ME1: variants seen among roughly 807,000 people sequenced by gnomAD.
The protein encoded by ME1 is malic enzyme 1.
A neutral mutation model predicts 66.4 loss-of-function variants in ME1; 74 were observed. That is an observed-to-expected ratio of 1.11 (90% CI 0.92 to 1.35). The LOEUF (loss-of-function observed/expected upper bound fraction) is 1.35. Among genes scored for constraint, ME1 ranks in the 40% most tolerant of loss-of-function variants. The pLI is 0.00. For missense variants in ME1, 750 were observed against 694.1 expected (o/e 1.08, Z -0.90); for synonymous variants, 251 against 235.6 (o/e 1.07, Z -0.60).
intron 1 of ME1, among the ~76,000 whole-genome samples, chr6:83,409,426 G>A (rs1051463506): frequency 1.3e-5 from 2 of 152,168 alleles, no homozygotes; most frequent in East Asian, 1.9e-4. Context: ...ATTACTAGAG[G>A]GAAAGGAGAG....
At chr6:83,362,433 T>G (rs1391915095) in intron 3 of ME1, among the ~76,000 whole-genome samples, 1 of 152,206 alleles carries the variant, frequency 6.6e-6, no homozygotes, top group Non-Finnish European at 1.5e-5. Flanking sequence ...TGGACACCAC[T>G]CAGCCTCTTT....
In ME1 at chr6:83,329,531, A is replaced by T. The variant is rs537254213; in HGVS notation, c.601-14118T>A. Among the ~76,000 whole-genome samples, 3 of 152,308 alleles carry T rather than the reference A, an allele frequency of 2.0e-5. No homozygotes were observed. The South Asian group carries it at 6.2e-4, about 32-fold the overall frequency. Reference sequence around the variant, plus strand: ...CTCAAATAAGGTATCTTTTCATATCATGCCTATATCATGAAATATACATAT... The same window carrying T: ...CTCAAATAAGGTATCTTTTCATATCTTGCCTATATCATGAAATATACATAT... On this transcript the variant is annotated intron_variant, in intron 5 of 13. Transcript: ENST00000369705.
intron 5 of ME1, among the ~76,000 whole-genome samples, chr6:83,341,823 C>A (rs1768591035): frequency 6.6e-6 from 1 of 152,158 alleles, no homozygotes; most frequent in Non-Finnish European, 1.5e-5. Context: ...CAAACCCCTA[C>A]CTTTTCTGCT....
chr6:83,346,952 CT>C (rs754200466), intron 4 of ME1, among the ~76,000 whole-genome samples: 4 of 151,568 alleles, frequency 2.6e-5, no homozygotes, highest in Non-Finnish European at 4.4e-5. Flanking sequence ...TTTTATCTTT[CT>C]TTTTTTTCCC....
At chr6:83,301,499 T>C (rs1583367320) in intron 6 of ME1, among the ~76,000 whole-genome samples, 1 of 152,146 alleles carries the variant, frequency 6.6e-6, no homozygotes, top group East Asian at 1.9e-4. Flanking sequence ...CCCACCATCA[T>C]GCCTGGCTAA....
At position 83,349,015 on chromosome 6, in the gene ME1, A is replaced by AAAAAAAAAAAAAAC. The variant is rs746037012; in HGVS notation, c.439-2682_439-2681insGTTTTTTTTTTTTT. Among the ~76,000 whole-genome samples, 49 of 124,056 alleles carry AAAAAAAAAAAAAAC rather than the reference A, an allele frequency of 3.9e-4. 5 individuals are homozygous for AAAAAAAAAAAAAAC. The highest frequency in any genetic ancestry group is 1.5e-3 in the African/African-American group (47 of 32,264). 81.4% of individuals were successfully genotyped at this position (124,056 alleles called of 152,430 possible). ...AAAAAAAAAAAACAAAAAACAAAAA[A>AAAAAAAAAAAAAAC]CAGTGCATTCTTTCTTATTTCTTCA... On this transcript the variant is annotated intron_variant, in intron 4 of 13. Coordinates refer to ENST00000369705, the MANE Select transcript of ME1 (RefSeq NM_002395.6).
chr6:83,427,444 C>T (rs2127698598), intron 1 of ME1, among the ~76,000 whole-genome samples: 1 of 152,214 alleles, frequency 6.6e-6, no homozygotes, highest in South Asian at 2.1e-4. Flanking sequence ...AAGCTTAAAC[C>T]ACATTTCAAC....
intron 6 of ME1, among the ~76,000 whole-genome samples, chr6:83,287,199 G>C (rs796493187): frequency 3.9e-5 from 6 of 152,156 alleles, no homozygotes; most frequent in African/African-American, 1.4e-4. Flanking sequence ...TACATGTGCA[G>C]AACATGCAGT....
intron 1 of ME1, among the ~76,000 whole-genome samples, chr6:83,422,470 A>G (rs530793917): frequency 2.6e-5 from 4 of 152,230 alleles, no homozygotes; most frequent in Non-Finnish European, 4.4e-5. Flanking sequence ...TAGAAACAGG[A>G]AAACGTTAAC....
chr6:83,324,500 G>A (rs1228032438), intron 5 of ME1, among the ~76,000 whole-genome samples: 1 of 151,570 alleles, frequency 6.6e-6, no homozygotes, highest in Non-Finnish European at 1.5e-5. Flanking sequence ...TGATAAAGGG[G>A]AGATCACCAC....
intron 6 of ME1, among the ~76,000 whole-genome samples, chr6:83,314,393 T>C (rs1295600536): frequency 1.3e-5 from 2 of 152,188 alleles, no homozygotes; most frequent in Admixed American, 1.3e-4. Context: ...TTTTATACTG[T>C]TAAGGATTTA....
At chr6:83,297,985 A>G (rs1018260622) in intron 6 of ME1, among the ~76,000 whole-genome samples, 1 of 152,130 alleles carries the variant, frequency 6.6e-6, no homozygotes, top group Admixed American at 6.5e-5. Flanking sequence ...GGGTTGATTC[A>G]CTACCTTTGC....
intron 1 of ME1, among the ~76,000 whole-genome samples, chr6:83,429,554 AAAG>A (rs971813660): frequency 1.1e-4 from 17 of 152,184 alleles, no homozygotes; most frequent in Admixed American, 4.6e-4. Flanking sequence ...CAGAATAATA[AAAG>A]AAAAGAAAAA....
chr6:83,286,203 C>T (rs1767393282), intron 6 of ME1, among the ~76,000 whole-genome samples: 1 of 152,040 alleles, frequency 6.6e-6, no homozygotes, highest in African/African-American at 2.4e-5. Context: ...TTACTCTGTG[C>T]CTCTGTTTTC....
At chr6:83,329,675 T>A (rs1319554930) in intron 5 of ME1, among the ~76,000 whole-genome samples, 1 of 152,240 alleles carries the variant, frequency 6.6e-6, no homozygotes, top group East Asian at 1.9e-4. Flanking sequence ...TTTATATTAC[T>A]GTTGTGCATT....
chr6:83,359,891 AG>A (rs2128545725), intron 3 of ME1, among the ~76,000 whole-genome samples: 1 of 152,344 alleles, frequency 6.6e-6, no homozygotes, highest in South Asian at 2.1e-4. Context: ...TTGGATCCTG[AG>A]GTGGCAGGGG....
At chr6:83,249,739 C>T (rs1790689079) in intron 7 of ME1, among the ~76,000 whole-genome samples, 1 of 152,038 alleles carries the variant, frequency 6.6e-6, no homozygotes, top group Admixed American at 6.6e-5. Context: ...CACTCGGAAC[C>T]AATCCTTGAA....
intron 6 of ME1, among the ~76,000 whole-genome samples, chr6:83,261,068 C>T (rs1283180077): frequency 6.6e-6 from 1 of 152,186 alleles, no homozygotes; most frequent in Non-Finnish European, 1.5e-5. Flanking sequence ...CTAATTTACA[C>T]TCCCACCAGC....
intron 1 of ME1, among the ~76,000 whole-genome samples, chr6:83,414,816 A>C (rs984370142): frequency 1.3e-5 from 2 of 152,186 alleles, no homozygotes; most frequent in Non-Finnish European, 1.5e-5. Flanking sequence ...CATTTGAAAA[A>C]TTTCAAAAGC....
Sources: allele counts gnomAD v4.1 joint callset (sites outside exome capture counted in the v4.1 genomes callset), GRCh38; gene constraint gnomAD v4.1.1; transcripts MANE v1.5; gene names NCBI Gene and HGNC (gene_info 2026-07-23, HGNC 2026-07-21).